LSAMP: variants seen among roughly 807,000 people sequenced by gnomAD.
LSAMP encodes the protein limbic system associated membrane protein.
Under a neutral mutation model 38.6 loss-of-function variants are expected in LSAMP, and 7 were observed. The observed-to-expected ratio is 0.18, with a 90% CI of 0.10 to 0.34. LSAMP has a LOEUF of 0.34. Among genes scored for constraint, LSAMP ranks in the 10% least tolerant of loss-of-function variants. The probability of loss-of-function intolerance (pLI) is 1.00; values close to 1 mark genes in which losing one functional copy is unlikely to be tolerated. For synonymous variants in LSAMP, 154 were observed against 166.8 expected, an observed-to-expected ratio of 0.92 and a Z score of 0.59; for missense variants, 313 against 420.0, an observed-to-expected ratio of 0.75 and a Z score of 2.23.
At position 115,841,669 on chromosome 3, in the gene LSAMP, C is replaced by A. The variant is rs548545265; in HGVS notation, c.919+176G>T. 16 of 535,530 alleles carry A rather than the reference C, an allele frequency of 3.0e-5. No homozygotes were observed. In the East Asian group the frequency reaches 4.8e-4, roughly 16 times the overall value. The allele number at this position is 535,530 out of a possible 1,614,324, so 33.2% of individuals were successfully genotyped here. ...AGAAAGACTATAGAGAGAAGTTGTT[C>A]CATTTATAAATCTCTGCTATGCACA... is the stretch of plus-strand genomic sequence containing the variant. On this transcript the variant is annotated intron_variant, in intron 6 of 6. Coordinates refer to ENST00000490035, the MANE Select transcript of LSAMP (RefSeq NM_002338.5).
intron 3 of LSAMP, among the ~76,000 whole-genome samples, chr3:115,867,467 G>A (rs1377574981): frequency 4.6e-5 from 7 of 152,134 alleles, no homozygotes; most frequent in Admixed American, 3.9e-4. Context: ...GGCTTTACCC[G>A]AAGGCAAACT....
chr3:116,307,477 T>C (rs2047498955), intron 1 of LSAMP, among the ~76,000 whole-genome samples: 1 of 152,000 alleles, frequency 6.6e-6, no homozygotes, highest in African/African-American at 2.4e-5. Flanking sequence ...TAATCCAAAA[T>C]AGAGTGCATT....
intron 1 of LSAMP, among the ~76,000 whole-genome samples, chr3:116,189,400 C>G (rs990280612): frequency 2.0e-5 from 3 of 152,194 alleles, no homozygotes; most frequent in African/African-American, 7.2e-5. Flanking sequence ...AGGAAATTGG[C>G]AAGTGCTACG....
chr3:116,241,106 G>A (rs1229837596), intron 1 of LSAMP, among the ~76,000 whole-genome samples: 1 of 151,596 alleles, frequency 6.6e-6, no homozygotes, highest in East Asian at 1.9e-4. Context: ...GAACCCGAGA[G>A]GCAGAGGTTT....
rs1403642805 is a variant in LSAMP, at chr3:115,802,435, C to T, written c.*7882G>A. ...GTTTTAAGATCACAGAAGAGCAGAG[C>T]ATTCATACGTGTAAAGTAACAGAAG... On this transcript the variant is annotated 3_prime_UTR_variant, in exon 7 of 7. Coordinates refer to ENST00000490035, the MANE Select transcript of LSAMP (RefSeq NM_002338.5). The T allele has an allele frequency of 6.6e-6, 1 of 151,914 alleles. No homozygotes were observed. The highest frequency in any genetic ancestry group is 1.5e-5 in the Non-Finnish European group (1 of 68,022). The allele number at this position is 151,914 out of a possible 1,614,324, so 9.4% of individuals were successfully genotyped here.
At chr3:115,872,320 C>A (rs540627128) in intron 3 of LSAMP, among the ~76,000 whole-genome samples, 1 of 152,090 alleles carries the variant, frequency 6.6e-6, no homozygotes, top group Non-Finnish European at 1.5e-5. Flanking sequence ...AATCACTTAT[C>A]CTTTAGTTGT....
At chr3:116,412,979 C>T (rs1057075563) in intron 1 of LSAMP, among the ~76,000 whole-genome samples, 1 of 152,082 alleles carries the variant, frequency 6.6e-6, no homozygotes, top group Non-Finnish European at 1.5e-5. Flanking sequence ...CAGCATTTGG[C>T]TACCACAGTG....
chr3:116,314,496 T>A (rs1207214951), intron 1 of LSAMP, among the ~76,000 whole-genome samples: 1 of 152,144 alleles, frequency 6.6e-6, no homozygotes, highest in African/African-American at 2.4e-5. Context: ...TGGCGTGAGA[T>A]CTCACAGGAG....
intron 1 of LSAMP, among the ~76,000 whole-genome samples, chr3:116,349,190 T>G (rs78287126): frequency 6.6e-6 from 1 of 152,018 alleles, no homozygotes; most frequent in African/African-American, 2.4e-5. Flanking sequence ...TTATTATGCT[T>G]TAGAAATAAA....
Position 116,380,956 on chromosome 3 carries a change from T to G in LSAMP, c.155+63921A>C, listed in dbSNP as rs572356652. Among the ~76,000 whole-genome samples, 151 of 152,222 alleles carry G rather than the reference T, an allele frequency of 9.9e-4. 1 individual carries two copies. Among genetic ancestry groups the G allele is most frequent in the African/African-American group, 3.4e-3 (142 of 41,546 alleles). On this transcript the variant is annotated intron_variant, in intron 1 of 6. Transcript: ENST00000490035. ...TAGAAGCTAAATCAAAGGCTGCTGCTTCCTATGTTATATTCCTTACAGGTA... is the reference window on the plus strand; with the variant it reads ...TAGAAGCTAAATCAAAGGCTGCTGCGTCCTATGTTATATTCCTTACAGGTA...
chr3:116,242,770 A>G (rs1450311248), intron 1 of LSAMP, among the ~76,000 whole-genome samples: 1 of 152,096 alleles, frequency 6.6e-6, no homozygotes, highest in Non-Finnish European at 1.5e-5. Context: ...ACATTGAAAA[A>G]AAAAACACTA....
At chr3:116,204,882 A>T (rs6810336) in intron 1 of LSAMP, among the ~76,000 whole-genome samples, 4 of 133,612 alleles carry the variant, frequency 3.0e-5, no homozygotes, top group Non-Finnish European at 6.6e-5. Context: ...CTTGGCGATG[A>T]GGGCTCTTTT....
chr3:116,207,772 C>T (rs985682663), intron 1 of LSAMP, among the ~76,000 whole-genome samples: 1 of 152,134 alleles, frequency 6.6e-6, no homozygotes, highest in Non-Finnish European at 1.5e-5. Flanking sequence ...GCCGAGAGAT[C>T]AGCTGTTAGT....
chr3:116,379,630 C>T (rs1313823334), intron 1 of LSAMP, among the ~76,000 whole-genome samples: 2 of 151,732 alleles, frequency 1.3e-5, no homozygotes, highest in Non-Finnish European at 2.9e-5. Context: ...ACAGCTGGGC[C>T]AACTGTAAAT....
At chr3:116,301,999 A>G (rs2047416062) in intron 1 of LSAMP, among the ~76,000 whole-genome samples, 1 of 152,190 alleles carries the variant, frequency 6.6e-6, no homozygotes, top group Non-Finnish European at 1.5e-5. Flanking sequence ...ACTCTAGCTC[A>G]GGTCCTTTTT....
At chr3:116,028,239 A>T (rs758793523) in intron 2 of LSAMP, among the ~76,000 whole-genome samples, 2 of 152,202 alleles carry the variant, frequency 1.3e-5, no homozygotes, top group Non-Finnish European at 2.9e-5. Context: ...CTAGTGAAAC[A>T]TCAAACATCC....
chr3:116,026,512 A>G (rs1467449882), intron 2 of LSAMP, among the ~76,000 whole-genome samples: 2 of 152,178 alleles, frequency 1.3e-5, no homozygotes, highest in Non-Finnish European at 2.9e-5. Context: ...CTGGTAAGAC[A>G]TCCTGGTTTT....
chr3:116,190,839 C>T (rs1279230695), intron 1 of LSAMP, among the ~76,000 whole-genome samples: 4 of 152,104 alleles, frequency 2.6e-5, no homozygotes, highest in African/African-American at 4.8e-5. Flanking sequence ...GAGAAAAACA[C>T]AAGAACAAAG....
chr3:115,859,831 T>C (rs557950712), intron 3 of LSAMP, among the ~76,000 whole-genome samples: 2 of 152,374 alleles, frequency 1.3e-5, no homozygotes, highest in Admixed American at 1.3e-4. Flanking sequence ...GAGGCTGCCA[T>C]GCATGCATCC....
Sources: allele counts gnomAD v4.1 joint callset (sites outside exome capture counted in the v4.1 genomes callset), GRCh38; gene constraint gnomAD v4.1.1; transcripts MANE v1.5; gene names NCBI Gene and HGNC (gene_info 2026-07-23, HGNC 2026-07-21).